The following PDE1A variants were observed in gnomAD, a reference collection of about 807,000 sequenced individuals.
The protein encoded by PDE1A is dual specificity calcium/calmodulin-dependent 3',5'-cyclic nucleotide phosphodiesterase 1A.
In PDE1A, 35 loss-of-function variants were observed where a neutral mutation model predicts 61.7. That is an observed-to-expected ratio of 0.57 (90% CI 0.43 to 0.75). The LOEUF is 0.75. Among genes scored for constraint, PDE1A ranks in the 30% least tolerant of loss-of-function variants. PDE1A has a pLI of 0.00. For synonymous variants in PDE1A, 232 were observed against 213.2 expected, an observed-to-expected ratio of 1.09 and a Z score of -0.77; for missense variants, 597 against 630.6, an observed-to-expected ratio of 0.95 and a Z score of 0.57.
chr2:182,158,292 T>C (rs1210219770), intron 13 of PDE1A, among the ~76,000 whole-genome samples: 3 of 152,338 alleles, frequency 2.0e-5, no homozygotes, highest in African/African-American at 2.4e-5. Flanking sequence ...AGCAGTAGAA[T>C]CTCTAATCTC....
chr2:182,494,949 T>C (rs1688620939), intron 2 of PDE1A, among the ~76,000 whole-genome samples: 1 of 152,128 alleles, frequency 6.6e-6, no homozygotes, highest in Non-Finnish European at 1.5e-5. Flanking sequence ...TCCTCTGTGG[T>C]CTTCTCACTG....
intron 2 of PDE1A, among the ~76,000 whole-genome samples, chr2:182,255,394 G>A (rs755786902): frequency 6.6e-6 from 1 of 152,136 alleles, no homozygotes; most frequent in Non-Finnish European, 1.5e-5. Context: ...ATGAGTGAGT[G>A]CCATCATGAT....
chr2:182,377,310 T>C (rs1700469642), intron 1 of PDE1A, among the ~76,000 whole-genome samples: 1 of 152,164 alleles, frequency 6.6e-6, no homozygotes, highest in Non-Finnish European at 1.5e-5. Flanking sequence ...CCCCTGACCC[T>C]TTATCTTTCT....
intron 2 of PDE1A, among the ~76,000 whole-genome samples, chr2:182,455,309 G>C (rs1277853737): frequency 3.3e-5 from 5 of 152,124 alleles, no homozygotes; most frequent in Non-Finnish European, 7.4e-5. Flanking sequence ...ACTGTTGGTG[G>C]GACTGTAAAC....
intron 2 of PDE1A, among the ~76,000 whole-genome samples, chr2:182,243,313 G>A (rs1192170591): frequency 2.0e-5 from 3 of 152,144 alleles, no homozygotes; most frequent in Non-Finnish European, 2.9e-5. Context: ...TTAATTATGA[G>A]AGGAAACACT....
chr2:182,401,208 G>C (rs1701980791), intron 1 of PDE1A, among the ~76,000 whole-genome samples: 1 of 152,096 alleles, frequency 6.6e-6, no homozygotes, highest in African/African-American at 2.4e-5. Flanking sequence ...AAACCCAGGA[G>C]GGACACGACA....
intron 2 of PDE1A, among the ~76,000 whole-genome samples, chr2:182,509,462 A>G (rs1689648397): frequency 6.6e-6 from 1 of 152,142 alleles, no homozygotes; most frequent in Non-Finnish European, 1.5e-5. Context: ...TAATTCCTGA[A>G]ATGTCAGGTT....
intron 2 of PDE1A, among the ~76,000 whole-genome samples, chr2:182,462,161 G>T (rs951789247): frequency 5.9e-5 from 9 of 152,048 alleles, no homozygotes; most frequent in East Asian, 5.8e-4. Context: ...GTTGTGGGGT[G>T]GGGGGAGCGG....
the PDE1A span, among the ~76,000 whole-genome samples, chr2:182,573,978 C>CAG: frequency 1.4e-5 from 2 of 146,566 alleles, no homozygotes; most frequent in Admixed American, 1.4e-4. Context: ...TTTATACACA[C>CAG]ACACACACAC....
At chr2:182,332,868 G>A (rs1415540338) in intron 1 of PDE1A, among the ~76,000 whole-genome samples, 2 of 151,596 alleles carry the variant, frequency 1.3e-5, no homozygotes, top group African/African-American at 4.8e-5. Context: ...TCAAAATAAA[G>A]TGATGGAGAA....
chr2:182,649,958 A>G, the PDE1A span, among the ~76,000 whole-genome samples: 4 of 152,062 alleles, frequency 2.6e-5, no homozygotes, highest in Non-Finnish European at 4.4e-5. Flanking sequence ...TCATGCTTGT[A>G]GTCTCAGCTA....
intron 3 of PDE1A, among the ~76,000 whole-genome samples, chr2:182,238,636 A>G (rs1690255976): frequency 1.3e-5 from 2 of 152,218 alleles, no homozygotes; most frequent in African/African-American, 4.8e-5. Flanking sequence ...CACTATTTTT[A>G]TGCACCTACT....
chr2:182,481,295 A>T (rs978919807), intron 2 of PDE1A, among the ~76,000 whole-genome samples: 3 of 151,878 alleles, frequency 2.0e-5, no homozygotes, highest in Non-Finnish European at 2.9e-5. Context: ...CATATCCATT[A>T]TTGTTAAAAT....
chr2:182,168,025 T>C lies in PDE1A; in HGVS notation c.*222A>G, dbSNP rs1472765591. ...GATATCTGAAAGCACAAGGTGCTGA[T>C]GTAGCCACTAGATGAATCTGTTCGG... is the stretch of plus-strand genomic sequence containing the variant. On this transcript the variant is annotated 3_prime_UTR_variant, in exon 14 of 14. Coordinates refer to ENST00000351439, the Ensembl canonical transcript of PDE1A. The C allele has an allele frequency of 4.8e-6, 6 of 1,242,844 alleles. No individual in the cohort carries two copies. In the Admixed American group the frequency reaches 2.0e-4, roughly 41 times the overall value. 77.0% of individuals were successfully genotyped at this position (1,242,844 alleles called of 1,614,324 possible).
intron 1 of PDE1A, among the ~76,000 whole-genome samples, chr2:182,406,288 A>T (rs1411934919): frequency 6.6e-6 from 1 of 152,100 alleles, no homozygotes; most frequent in Admixed American, 6.5e-5. Context: ...TTATTTAGTC[A>T]TTCTCATCTT....
chr2:182,676,464 T>G, the PDE1A span, among the ~76,000 whole-genome samples: 1 of 149,408 alleles, frequency 6.7e-6, no homozygotes, highest in Admixed American at 6.7e-5. Flanking sequence ...ACCAGATGGA[T>G]TCACAGCCGA....
the PDE1A span, among the ~76,000 whole-genome samples, chr2:182,561,742 T>C: frequency 2.0e-5 from 3 of 152,052 alleles, no homozygotes; most frequent in Non-Finnish European, 4.4e-5. Context: ...TGAGCAGTGG[T>C]TTGTAGTTCT....
chr2:182,332,310 C>T (rs751037373), intron 1 of PDE1A, among the ~76,000 whole-genome samples: 4 of 152,046 alleles, frequency 2.6e-5, no homozygotes, highest in Non-Finnish European at 4.4e-5. Flanking sequence ...TCCTTTAGCT[C>T]GGAGGAGTTT....
At chr2:182,436,155 C>T (rs1169245105) in intron 2 of PDE1A, among the ~76,000 whole-genome samples, 1 of 151,972 alleles carries the variant, frequency 6.6e-6, no homozygotes, top group Non-Finnish European at 1.5e-5. Context: ...AAAATCAATA[C>T]CACATATATT....
Sources: allele counts gnomAD v4.1 joint callset (sites outside exome capture counted in the v4.1 genomes callset), GRCh38; gene constraint gnomAD v4.1.1; transcripts MANE v1.5; gene names NCBI Gene and HGNC (gene_info 2026-07-23, HGNC 2026-07-21).